The following DST variants were observed in gnomAD, a reference collection of about 807,000 sequenced individuals.
DST encodes dystonin.
In DST, 253 loss-of-function variants were observed where a neutral mutation model predicts 875.2. That is an observed-to-expected ratio of 0.29 (90% confidence interval 0.26 to 0.32). The LOEUF (loss-of-function observed/expected upper bound fraction) is 0.32. Ranked by LOEUF, DST falls within the 10% of genes least tolerant of loss-of-function variation. DST has a pLI of 1.00. For synonymous variants in DST, 3,124 were observed against 3,197.1 expected (o/e 0.98, Z 0.77); for missense variants, 8,287 against 9,111.6 (o/e 0.91, Z 3.68).
Position 56,459,152 on chromosome 6 carries a change from G to A in DST, c.23310C>T (p.Ser7770=), listed in dbSNP as rs1036786598. 33 of 1,613,942 alleles carry A rather than the reference G, an allele frequency of 2.0e-5. No individual in the cohort carries two copies. The highest frequency in any genetic ancestry group is 2.7e-5 in the African/African-American group (2 of 75,016). ...ASDFDISEIQ[S]VCSDVETVPQ... is the part of the protein sequence containing the mutation. ...GGACAGTTTCCACATCTGAGCACAC[G>A]GACTGGATTTCTGAAATGTCAAAGT... The change falls in exon 104 of 104, where the codon TCC becomes TCT. Residue 7770 remains serine, a synonymous_variant. Coordinates refer to ENST00000680361, the MANE Select transcript of DST (RefSeq NM_001374736.1).
Position 56,476,266 on chromosome 6 carries a change from T to C in DST, c.21747A>G (p.Glu7249=). 6.2e-7 allele frequency: 1 copy of C among 1,610,028 alleles called. No homozygotes were observed. The highest frequency in any genetic ancestry group is 8.5e-7 in the Non-Finnish European group (1 of 1,177,920). The part of the protein sequence containing the change: ...SALAGLIAKQ[E]LLEALLAWLQ... Reference sequence around the variant, plus strand: ...ACCAAGCCAGCAAAGCTTCCAACAATTCCTGTTTGGCAATAAGCCCAGCCA... The same window carrying C: ...ACCAAGCCAGCAAAGCTTCCAACAACTCCTGTTTGGCAATAAGCCCAGCCA... Residue 7249 remains glutamate (E), a synonymous_variant, in exon 92 of 104, where the codon GAA becomes GAG. Coordinates refer to ENST00000680361, the MANE Select transcript of DST (RefSeq NM_001374736.1).
chr6:56,551,013 A>C (rs1373267216), intron 61 of DST, among the ~76,000 whole-genome samples: 1 of 152,228 alleles, frequency 6.6e-6, no homozygotes, highest in African/African-American at 2.4e-5. Context: ...CGTTTCCTTC[A>C]CCTTCAAGAA....
chr6:56,906,850 T>C (rs1412851813), intron 2 of DST, among the ~76,000 whole-genome samples: 1 of 152,204 alleles, frequency 6.6e-6, no homozygotes, highest in Non-Finnish European at 1.5e-5. Flanking sequence ...AGCCGCTTCA[T>C]TTCCTCATCA....
At chr6:56,514,874 T>A (rs2096560247) in intron 72 of DST, among the ~76,000 whole-genome samples, 1 of 152,198 alleles carries the variant, frequency 6.6e-6, no homozygotes, top group Non-Finnish European at 1.5e-5. Flanking sequence ...GTAAATGTGC[T>A]CCTCCTACTT....
At chr6:56,865,253 C>G (rs1036849600) in intron 3 of DST, among the ~76,000 whole-genome samples, 4 of 147,344 alleles carry the variant, frequency 2.7e-5, no homozygotes, top group Admixed American at 2.7e-4. Context: ...CCCTGCTTCC[C>G]TAGTTTTCTG....
chr6:56,779,822 C>CCATTAACT (rs2099688545), intron 4 of DST, among the ~76,000 whole-genome samples: 1 of 149,266 alleles, frequency 6.7e-6, no homozygotes, highest in South Asian at 2.1e-4. Flanking sequence ...TGTGCTGCAC[C>CCATTAACT]CATTAACTCG....
chr6:56,580,101 T>C (rs954300044), intron 49 of DST, among the ~76,000 whole-genome samples: 1 of 152,206 alleles, frequency 6.6e-6, no homozygotes, highest in Admixed American at 6.5e-5. Flanking sequence ...GCTGCCACTA[T>C]GGTAGCTACC....
intron 17 of DST, among the ~76,000 whole-genome samples, chr6:56,641,127 G>A (rs1487312335): frequency 6.6e-6 from 1 of 151,812 alleles, no homozygotes; most frequent in Non-Finnish European, 1.5e-5. Context: ...GAGAGAGAGA[G>A]AGAGAGAGAG....
chr6:56,475,394 A>AACACACACACACACACACACACACAC (rs35690052), intron 92 of DST, among the ~76,000 whole-genome samples: 1 of 144,882 alleles, frequency 6.9e-6, no homozygotes, highest in African/African-American at 2.6e-5. Flanking sequence ...AGGCTTTTAA[A>AACACACACACACACACACACACACAC]ACACACACAC....
Position 56,469,921 on chromosome 6 carries a change from G to A in DST, c.22513C>T (p.Arg7505Ter), listed in dbSNP as rs758542461. 6.2e-7 allele frequency: 1 copy of A among 1,613,282 alleles called. No homozygotes were observed. ...TCACCAATCTGCTCAACTTGAAATC[G>A]CTTTGCACATTTACACTTAGCTACC... ...RQVAKCKCAKRFQVEQIGDNK... is the reference protein window; with the variant it reads ...RQVAKCKCAK Residue 7505 changes from arginine to a stop codon, truncating the protein, a stop_gained, in exon 97 of 104, where the codon CGA becomes TGA. Transcript: ENST00000680361. LOFTEE classifies it high-confidence loss of function.
chr6:56,820,706 G>A (rs1480622923), intron 4 of DST, among the ~76,000 whole-genome samples: 1 of 151,860 alleles, frequency 6.6e-6, no homozygotes, highest in Non-Finnish European at 1.5e-5. Flanking sequence ...TCCCCAAATA[G>A]CTGGTTGCCA....
At chr6:56,772,017 T>C (rs1287598118) in intron 4 of DST, among the ~76,000 whole-genome samples, 3 of 152,170 alleles carry the variant, frequency 2.0e-5, no homozygotes, top group Non-Finnish European at 2.9e-5. Flanking sequence ...CAGTATTAGT[T>C]ATAAAAGGTT....
intron 9 of DST, chr6:56,693,478 A>G: frequency 1.2e-6 from 1 of 856,226 alleles, no homozygotes; most frequent in Non-Finnish European, 1.4e-6. Context: ...GTATGAGAAG[A>G]TTATGACTGT....
At chr6:56,541,220 C>A (rs889984429) in intron 61 of DST, 2 of 152,590 alleles carry the variant, frequency 1.3e-5, no homozygotes, top group Non-Finnish European at 2.9e-5. Context: ...TCCTGTGGTT[C>A]GAATGATATC....
rs2098429885 is a variant in DST, at chr6:56,600,008, C to G, written c.11694+61G>C. The G allele has an allele frequency of 2.7e-6, 4 of 1,454,700 alleles. No homozygotes were observed. In the East Asian group the frequency reaches 9.5e-5, roughly 34 times the overall value. 90.1% of individuals were successfully genotyped at this position (1,454,700 alleles called of 1,614,324 possible). A position where few individuals can be genotyped will look rare whatever the true frequency, so the allele number is the denominator to read the frequency against. ...ATTTTCAATAATCTTCACTGACTTCCAAATGATAGTAATCGAACATAACAT... is the reference window on the plus strand; with the variant it reads ...ATTTTCAATAATCTTCACTGACTTCGAAATGATAGTAATCGAACATAACAT... On this transcript the variant is annotated intron_variant, in intron 45 of 103. Transcript: ENST00000680361.
chr6:56,532,490 A>T lies in DST; in HGVS notation c.16962T>A (p.Asp5654Glu). 6.2e-7 allele frequency: 1 copy of T among 1,602,380 alleles called. No homozygotes were observed. Among genetic ancestry groups the T allele is most frequent in the East Asian group, 2.2e-5 (1 of 44,710 alleles). ...TTACCTCCACCGTAGATTTTCGGTCATCCAACAATCTCTGGAGAAGCTTGA... is the reference window on the plus strand; with the variant it reads ...TTACCTCCACCGTAGATTTTCGGTCTTCCAACAATCTCTGGAGAAGCTTGA... ...QEQKLLQRLL[D>E]DRKSTVEVIK... The change falls in exon 64 of 104, where the codon GAT (aspartate) becomes GAA (glutamate). Residue 5654 changes from aspartate to glutamate, a missense_variant. This residue lies in a region of DST where 777 missense variants were observed against 764.8 expected (regional missense o/e 1.02). Coordinates refer to ENST00000680361, the MANE Select transcript of DST (RefSeq NM_001374736.1).
intron 78 of DST, among the ~76,000 whole-genome samples, chr6:56,501,989 C>G (rs1240451551): frequency 6.6e-6 from 1 of 151,926 alleles, no homozygotes; most frequent in Non-Finnish European, 1.5e-5. Flanking sequence ...TGAACTTATT[C>G]CAATATATGC....
chr6:56,564,426 T>A (rs146181074), intron 55 of DST, among the ~76,000 whole-genome samples: 323 of 152,338 alleles, frequency 2.1e-3, no homozygotes, highest in African/African-American at 7.3e-3. Flanking sequence ...TGGTTTTGTA[T>A]CCTGAGACTT....
At chr6:56,832,126 C>A (rs1562075019) in intron 4 of DST, among the ~76,000 whole-genome samples, 1 of 152,008 alleles carries the variant, frequency 6.6e-6, no homozygotes, top group Non-Finnish European at 1.5e-5. Context: ...TTAGACCTTC[C>A]AAAAAGGTTC....
Sources: gnomAD v4.1 joint callset for allele counts (sites outside exome capture counted in the v4.1 genomes callset) on GRCh38, gnomAD v4.1.1 for gene constraint, gnomAD v4.1.1 regional missense constraint, MANE v1.5 for transcripts, NCBI Gene and HGNC (gene_info 2026-07-23, HGNC 2026-07-21) for gene names.